Variants in RIT1 observed in about 807,000 individuals in gnomAD.
The protein encoded by RIT1 is GTP-binding protein Rit1.
Under a neutral mutation model 25.6 loss-of-function variants are expected in RIT1, and 6 were observed. The ratio of observed to expected loss-of-function variants is 0.23; its 90% confidence interval spans 0.13 to 0.46. RIT1 has a LOEUF of 0.46. Among genes scored for constraint, RIT1 ranks in the 20% least tolerant of loss-of-function variants. The pLI, the probability that RIT1 is intolerant of heterozygous loss-of-function variation, is 0.99. For synonymous variants in RIT1, 81 were observed against 94.1 expected, an observed-to-expected ratio of 0.86 and a Z score of 0.80; for missense variants, 219 against 284.4, an observed-to-expected ratio of 0.77 and a Z score of 1.65.
In RIT1 at chr1:155,898,596, G is replaced by A. The variant is rs1156656885; in HGVS notation, c.*1792C>T. Reference sequence around the variant, plus strand: ...GGTCACTAGTAATAAGAAGCTATGGGCTTTAAACTTAAAAGGTGCTAAACC... The same window carrying A: ...GGTCACTAGTAATAAGAAGCTATGGACTTTAAACTTAAAAGGTGCTAAACC... On this transcript the variant is annotated 3_prime_UTR_variant, in exon 6 of 6. Transcript: ENST00000368323. The A allele has an allele frequency of 6.3e-6, 1 of 159,226 alleles. No homozygotes were observed. Among genetic ancestry groups the A allele is most frequent in the Non-Finnish European group, 1.3e-5 (1 of 76,342 alleles). The allele number at this position is 159,226 out of a possible 1,614,324, so 9.9% of individuals were successfully genotyped here. A position where few individuals can be genotyped will look rare whatever the true frequency, so the allele number is the denominator to read the frequency against.
intron 3 of RIT1, among the ~76,000 whole-genome samples, chr1:155,907,354 C>T (rs987937027): frequency 2.0e-5 from 3 of 151,998 alleles, no homozygotes; most frequent in Admixed American, 6.6e-5. Flanking sequence ...ATTCTCCCAC[C>T]TCAGCTTCCT....
intron 5 of RIT1, among the ~76,000 whole-genome samples, chr1:155,902,901 G>A (rs1380098874): frequency 1.3e-5 from 2 of 150,918 alleles, no homozygotes; most frequent in Non-Finnish European, 1.5e-5. Context: ...GGTGGCTCAC[G>A]CCTGTAATCC....
rs1421589685 is a variant in RIT1 at position 155,906,905 on chromosome 1, A to C, written c.164-2101T>G. Among the ~76,000 whole-genome samples, 4 of 152,084 alleles carry C rather than the reference A, an allele frequency of 2.6e-5. No homozygotes were observed. The East Asian group carries it at 7.7e-4, about 29-fold the overall frequency. On this transcript the variant is annotated intron_variant, in intron 3 of 5. Transcript: ENST00000368323. ...AGGATCACTTGCGCTCAGGAGTTTG[A>C]GACCAGCCTGGGCAATAGAGCGAGA...
At chr1:155,902,915 C>A (rs914443707) in intron 5 of RIT1, among the ~76,000 whole-genome samples, 7 of 151,804 alleles carry the variant, frequency 4.6e-5, no homozygotes, top group Non-Finnish European at 1.0e-4. Flanking sequence ...GTAATCCCAG[C>A]ACTTTGGGAG....
chr1:155,908,174 G>A (rs1472830278), intron 3 of RIT1, among the ~76,000 whole-genome samples: 4 of 150,908 alleles, frequency 2.7e-5, no homozygotes, highest in Non-Finnish European at 4.4e-5. Flanking sequence ...GGAAAGACGC[G>A]GCCGGGCACG....
chr1:155,910,991 A>G, intron 1 of RIT1, 187 bp from the exon 2 acceptor site: 1 of 1,348,130 alleles, frequency 7.4e-7, no homozygotes, highest in Non-Finnish European at 1.0e-6. Context: ...TCCCTCCTAG[A>G]CAGTTCAGTC....
At chr1:155,909,643 T>A (rs1038406626) in intron 3 of RIT1, among the ~76,000 whole-genome samples, 1 of 152,012 alleles carries the variant, frequency 6.6e-6, no homozygotes, top group African/African-American at 2.4e-5. Context: ...ATCGGAGGGC[T>A]AGGCACAGTG....
intron 3 of RIT1, among the ~76,000 whole-genome samples, chr1:155,908,897 T>G (rs1673514962): frequency 6.6e-6 from 1 of 151,954 alleles, no homozygotes; most frequent in African/African-American, 2.4e-5. Flanking sequence ...TTTGATATAG[T>G]ACATGAAAAA....
Position 155,898,513 on chromosome 1 carries a change from AAAAAAAT to A in RIT1, c.*1868_*1874del, listed in dbSNP as rs1673235231. The A allele has an allele frequency of 9.2e-6, 1 of 109,230 alleles. No homozygotes were observed. Among genetic ancestry groups the A allele is most frequent in the African/African-American group, 3.6e-5 (1 of 27,948 alleles). The allele number at this position is 109,230 out of a possible 1,614,324, so 6.8% of individuals were successfully genotyped here. A position where few individuals can be genotyped will look rare whatever the true frequency, so the allele number is the denominator to read the frequency against. ...TATTTAAAAAAAAAAAAAAAAAAAA[AAAAAAAT>A]ATATATATATATATATATATATATC... On this transcript the variant is annotated 3_prime_UTR_variant, in exon 6 of 6. Coordinates refer to ENST00000368323, the MANE Select transcript of RIT1 (RefSeq NM_006912.6).
At chr1:155,903,338 A>G (rs903970397) in intron 5 of RIT1, among the ~76,000 whole-genome samples, 2 of 151,626 alleles carry the variant, frequency 1.3e-5, no homozygotes, top group African/African-American at 2.4e-5. Context: ...CTGTAATCCC[A>G]GCTACTCAGG....
At position 155,897,905 on chromosome 1, in the gene RIT1, G is replaced by A. The variant is rs887844845; in HGVS notation, c.*2483C>T. The stretch of plus-strand genomic sequence containing the variant: ...CTCCTCCTCCCCAAACATCACAGTA[G>A]ACCAATTCTTGCTAATATATGACAA... On this transcript the variant is annotated 3_prime_UTR_variant, in exon 6 of 6. Transcript: ENST00000368323. 6.6e-6 allele frequency: 1 copy of A among 151,822 alleles called. No individual in the cohort carries two copies. The highest frequency in any genetic ancestry group is 1.5e-5 in the Non-Finnish European group (1 of 67,968). 9.4% of individuals were successfully genotyped at this position (151,822 alleles called of 1,614,324 possible).
At chr1:155,907,523 C>G (rs1377585064) in intron 3 of RIT1, among the ~76,000 whole-genome samples, 3 of 152,184 alleles carry the variant, frequency 2.0e-5, no homozygotes, top group African/African-American at 7.2e-5. Context: ...ATTGCAGGCT[C>G]AGGATTACAG....
chr1:155,907,107 C>CAA (rs200399012), intron 3 of RIT1, among the ~76,000 whole-genome samples: 33 of 144,958 alleles, frequency 2.3e-4, no homozygotes, highest in African/African-American at 8.4e-4. Flanking sequence ...GACCCTGTCT[C>CAA]AAAAAAAAAG....
intron 3 of RIT1, among the ~76,000 whole-genome samples, chr1:155,907,617 C>G (rs1279339771): frequency 6.6e-6 from 1 of 152,212 alleles, no homozygotes; most frequent in Non-Finnish European, 1.5e-5. Context: ...ACAGCCAGAG[C>G]TTGAAATCAA....
chr1:155,898,733 A>T lies in RIT1; in HGVS notation c.*1655T>A. 5.2e-6 allele frequency: 1 copy of T among 192,044 alleles called. No homozygotes were observed. Among genetic ancestry groups the T allele is most frequent in the Admixed American group, 6.1e-5 (1 of 16,264 alleles). 11.9% of individuals were successfully genotyped at this position (192,044 alleles called of 1,614,324 possible). A position where few individuals can be genotyped will look rare whatever the true frequency, so the allele number is the denominator to read the frequency against. On this transcript the variant is annotated 3_prime_UTR_variant, in exon 6 of 6. Transcript: ENST00000368323. ...GAGATTTGTGTCCTGCACAGAATCAAATGCTAGGTCTTTCACTTTTGGATG... is the reference window on the plus strand; with the variant it reads ...GAGATTTGTGTCCTGCACAGAATCATATGCTAGGTCTTTCACTTTTGGATG...
At position 155,899,175 on chromosome 1, in the gene RIT1, A is replaced by C; in HGVS notation, c.*1213T>G. 4.8e-6 allele frequency: 1 copy of C among 207,788 alleles called. No individual in the cohort carries two copies. The highest frequency in any genetic ancestry group is 9.8e-6 in the Non-Finnish European group (1 of 101,626). The allele number at this position is 207,788 out of a possible 1,614,324, so 12.9% of individuals were successfully genotyped here. On this transcript the variant is annotated 3_prime_UTR_variant, in exon 6 of 6. Transcript: ENST00000368323. ...TAGGACTACAGTTCCTAAACTATGC[A>C]CAGGGAGCAAAGTGGTATTCCCTTA...
intron 5 of RIT1, among the ~76,000 whole-genome samples, chr1:155,901,804 C>T (rs1331438156): frequency 6.6e-6 from 1 of 151,468 alleles, no homozygotes; most frequent in Non-Finnish European, 1.5e-5. Flanking sequence ...AGTGACAGAG[C>T]AAGACCCTGT....
intron 1 of RIT1, 198 bp from the exon 2 acceptor site, chr1:155,911,002 A>C (rs925391416): frequency 2.5e-6 from 3 of 1,185,038 alleles, no homozygotes; most frequent in Admixed American, 2.2e-5. Flanking sequence ...CAGTTCAGTC[A>C]CATGACACAT....
chr1:155,906,360 C>T (rs1557960874), intron 3 of RIT1, among the ~76,000 whole-genome samples: 1 of 152,090 alleles, frequency 6.6e-6, no homozygotes, highest in Non-Finnish European at 1.5e-5. Flanking sequence ...ATGAAGAGCT[C>T]ATTAAATCAA....
Sources: gnomAD v4.1 joint callset for allele counts (sites outside exome capture counted in the v4.1 genomes callset) on GRCh38, gnomAD v4.1.1 for gene constraint, MANE v1.5 for transcripts, NCBI Gene and HGNC (gene_info 2026-07-23, HGNC 2026-07-21) for gene names.